Variants in PPP2R5D observed in about 807,000 individuals in gnomAD.
PPP2R5D encodes protein phosphatase 2 regulatory subunit B'delta, also known as serine/threonine-protein phosphatase 2A 56 kDa regulatory subunit delta isoform.
A neutral mutation model predicts 79.1 loss-of-function variants in PPP2R5D; 12 were observed. The observed-to-expected ratio is 0.15, with a 90% CI of 0.10 to 0.25. The LOEUF is 0.25. Among genes scored for constraint, PPP2R5D ranks in the 10% least tolerant of loss-of-function variants. The probability of loss-of-function intolerance (pLI) is 1.00; values close to 1 mark genes in which losing one functional copy is unlikely to be tolerated. For synonymous variants in PPP2R5D, 277 were observed against 286.6 expected, an observed-to-expected ratio of 0.97 and a Z score of 0.34; for missense variants, 419 against 760.2, an observed-to-expected ratio of 0.55 and a Z score of 5.28.
chr6:43,008,591 C>A lies in PPP2R5D; in HGVS notation c.1027-102C>A, dbSNP rs1762207518. 2 of 1,488,682 alleles carry A rather than the reference C, an allele frequency of 1.3e-6. No individual in the cohort carries two copies. The highest frequency in any genetic ancestry group is 1.9e-6 in the Non-Finnish European group (2 of 1,069,594). 92.2% of individuals were successfully genotyped at this position (1,488,682 alleles called of 1,614,324 possible). On this transcript the variant is annotated intron_variant, in intron 9 of 15. Transcript: ENST00000485511. This position sits in a 1 kb window ranked among gnomAD's most constrained non-coding sequence, Gnocchi z 4.2. ...GGGAGCAGGTGGGATAATTCCTTCC[C>A]TCCATCTCCCCTTCCCTTCTGGGAT... is the stretch of plus-strand genomic sequence containing the variant.
chr6:43,000,922 G>T (rs534102150), intron 2 of PPP2R5D, among the ~76,000 whole-genome samples: 5 of 152,288 alleles, frequency 3.3e-5, no homozygotes, highest in African/African-American at 1.2e-4. Flanking sequence ...GTACAAACAG[G>T]GTCCTGGCTT....
intron 2 of PPP2R5D, among the ~76,000 whole-genome samples, chr6:43,001,533 C>G (rs920339444): frequency 6.6e-6 from 1 of 152,032 alleles, no homozygotes; most frequent in African/African-American, 2.4e-5. Context: ...TTCCTAAAAC[C>G]TGGATATGGG....
intron 1 of PPP2R5D, among the ~76,000 whole-genome samples, chr6:42,984,963 A>G (rs577980643): frequency 2.6e-3 from 255 of 99,690 alleles, no homozygotes; most frequent in African/African-American, 9.4e-3. Context: ...CCCCCGGCCC[A>G]GGGTAACCTC....
rs760706379 is a variant in PPP2R5D, at chr6:43,009,144, G to A, written c.1168G>A (p.Val390Ile). The A allele has an allele frequency of 7.4e-6, 12 of 1,614,106 alleles. No homozygotes were observed. Among genetic ancestry groups the A allele is most frequent in the South Asian group, 2.2e-5 (2 of 91,080 alleles). The stretch of plus-strand genomic sequence containing the variant: ...GAATGAGCTGGAGGAGATTCTGGAC[G>A]TCATTGAACCTTCTGAGTTCAGCAA... ...FLNELEEILD[V>I]IEPSEFSKVM... is the part of the protein sequence containing the mutation. The change falls in exon 11 of 16, where the codon GTC becomes ATC. Residue 390 changes from valine to isoleucine, a missense_variant. Physicochemically the swap from Val to Ile is conservative, Grantham distance 29 (BLOSUM62 3). Coordinates refer to ENST00000485511, the MANE Select transcript of PPP2R5D (RefSeq NM_006245.4). This position sits in a 1 kb window ranked among gnomAD's most constrained non-coding sequence, Gnocchi z 5.6.
intron 2 of PPP2R5D, among the ~76,000 whole-genome samples, chr6:42,997,392 A>G (rs1264239193): frequency 3.9e-5 from 6 of 152,082 alleles, no homozygotes; most frequent in Non-Finnish European, 8.8e-5. Flanking sequence ...GGGTTTCTCC[A>G]TGCTGGTCAG....
At chr6:43,002,388 C>T (rs2150271411) in intron 2 of PPP2R5D, among the ~76,000 whole-genome samples, 1 of 152,304 alleles carries the variant, frequency 6.6e-6, no homozygotes, top group East Asian at 1.9e-4. Flanking sequence ...TGCTCTCAAA[C>T]TCCTGACCTC....
chr6:42,999,129 C>A (rs1771997895), intron 2 of PPP2R5D, among the ~76,000 whole-genome samples: 1 of 152,138 alleles, frequency 6.6e-6, no homozygotes, highest in Non-Finnish European at 1.5e-5. Flanking sequence ...GGTCAGTGTC[C>A]ACCCCTGCTT....
At position 43,011,439 on chromosome 6, in the gene PPP2R5D, A is replaced by ATTCTGTGGGTGT; in HGVS notation, c.*153_*154insTTCTGTGGGTGT. 1 of 1,047,400 alleles carries ATTCTGTGGGTGT rather than the reference A, an allele frequency of 9.5e-7. No homozygotes were observed. Among genetic ancestry groups the ATTCTGTGGGTGT allele is most frequent in the Non-Finnish European group, 1.4e-6 (1 of 734,998 alleles). The allele number at this position is 1,047,400 out of a possible 1,614,324, so 64.9% of individuals were successfully genotyped here. On this transcript the variant is annotated 3_prime_UTR_variant, in exon 16 of 16. Transcript: ENST00000485511. ...GGATGTGGGCACTTGAAGCAGGGAC[A>ATTCTGTGGGTGT]CCCACAGAATGGTCCCTCTTCTCCC...
rs573748704 is a variant in PPP2R5D, at chr6:43,002,278, C to A, written c.106-4185C>A. 1.7e-3 allele frequency among the ~76,000 whole-genome samples: 254 copies of A among 152,178 alleles called. 2 individuals are homozygous for A. The highest frequency in any genetic ancestry group is 5.5e-3 in the African/African-American group (229 of 41,508). ...TCCCGAGTTCAAGAGATTCTCCTGC[C>A]CCAGCCTCCCGAGTAGCTGAGATTA... On this transcript the variant is annotated intron_variant, in intron 2 of 15. Coordinates refer to ENST00000485511, the MANE Select transcript of PPP2R5D (RefSeq NM_006245.4).
chr6:42,988,885 T>G (rs1771043377), intron 1 of PPP2R5D, among the ~76,000 whole-genome samples: 1 of 152,196 alleles, frequency 6.6e-6, no homozygotes, highest in Admixed American at 6.5e-5. Context: ...GTGCAGTTGC[T>G]TTTTTTGGCT....
chr6:43,004,482 C>T (rs1761948874), intron 2 of PPP2R5D, among the ~76,000 whole-genome samples: 1 of 151,434 alleles, frequency 6.6e-6, no homozygotes, highest in Non-Finnish European at 1.5e-5. Flanking sequence ...GCTCTTTCCT[C>T]ATTAGATTCC....
chr6:42,988,157 C>G (rs1036406908), intron 1 of PPP2R5D, among the ~76,000 whole-genome samples: 5 of 152,188 alleles, frequency 3.3e-5, no homozygotes, highest in Admixed American at 2.0e-4. Flanking sequence ...ACACAGAGCT[C>G]TCTTCTCCCT....
chr6:43,010,068 TA>T lies in PPP2R5D; in HGVS notation c.1380-390del, dbSNP rs146372245. Reference sequence around the variant, plus strand: ...TGGGCAACAGAGTGAGACTCCGTCTTAAAAAAAAAACTCAGGGTTTTGAAAA... The same window carrying T: ...TGGGCAACAGAGTGAGACTCCGTCTTAAAAAAAAACTCAGGGTTTTGAAAA... On this transcript the variant is annotated intron_variant, in intron 12 of 15. Transcript: ENST00000485511. This position sits in a 1 kb window ranked among gnomAD's most constrained non-coding sequence, Gnocchi z 4.7. 5.5e-5 allele frequency among the ~76,000 whole-genome samples: 8 copies of T among 146,642 alleles called. No individual in the cohort carries two copies. The East Asian group carries it at 7.8e-4, about 14-fold the overall frequency.
At chr6:42,998,044 T>TATACATATATATATATATATAC (rs1771884638) in intron 2 of PPP2R5D, among the ~76,000 whole-genome samples, 1 of 29,262 alleles carries the variant, frequency 3.4e-5, no homozygotes, top group African/African-American at 9.4e-5. Context: ...TATATATATA[T>TATACATATATATATATATATAC]ATATATATAT....
At position 43,007,927 on chromosome 6, in the gene PPP2R5D, AC is replaced by A; in HGVS notation, c.727-3del. On this transcript the variant is annotated splice_polypyrimidine_tract_variant and splice_region_variant and intron_variant, in intron 6 of 15. Transcript: ENST00000485511. This position sits in a 1 kb window ranked among gnomAD's most constrained non-coding sequence, Gnocchi z 4.5. ...TCACTGGCTGCTTTCCCTCCCTTGT[AC>A]CCCCAGCTCCTAGACCTATTTGACA... The A allele has an allele frequency of 6.2e-7, 1 of 1,613,452 alleles. No individual in the cohort carries two copies. The highest frequency in any genetic ancestry group is 8.5e-7 in the Non-Finnish European group (1 of 1,179,700).
chr6:43,004,789 T>C (rs1416825305), intron 2 of PPP2R5D, among the ~76,000 whole-genome samples: 3 of 150,796 alleles, frequency 2.0e-5, no homozygotes, highest in Non-Finnish European at 4.4e-5. Flanking sequence ...AGAGTCTCAC[T>C]CTGTCATCCA....
chr6:43,006,675 G>T lies in PPP2R5D; in HGVS notation c.318G>T (p.Leu106=). The T allele has an allele frequency of 6.2e-7, 1 of 1,613,850 alleles. No homozygotes were observed. Among genetic ancestry groups the T allele is most frequent in the Non-Finnish European group, 8.5e-7 (1 of 1,179,854 alleles). ...KNRELQKLPA[L]KDSPTQEREE... ...GGGAGCTGCAGAAGCTTCCTGCCCT[G>T]AAAGGTACTTGGCAATTGGTCACAG... Residue 106 remains leucine, a synonymous_variant, in exon 3 of 16, where the codon CTG becomes CTT. Transcript: ENST00000485511. This position sits in a 1 kb window ranked among gnomAD's most constrained non-coding sequence, Gnocchi z 4.7.
rs1474342051 is a variant in PPP2R5D at position 43,007,003 on chromosome 6, C to T, written c.415C>T (p.Leu139Phe). Residue 139 changes from leucine (L) to phenylalanine (F), a missense_variant, in exon 4 of 16, where the codon CTC becomes TTC. Transcript: ENST00000485511. This position sits in a 1 kb window ranked among gnomAD's most constrained non-coding sequence, Gnocchi z 4.5. Reference protein sequence around the residue: ...FDFVSDPLSDLKFKEVKRAGL... With the variant: ...FDFVSDPLSDFKFKEVKRAGL... ...CTTCGTGTCAGACCCACTCAGTGAC[C>T]TCAAATTCAAGGAGGTGAAGCGGGC... 7 of 1,614,144 alleles carry T rather than the reference C, an allele frequency of 4.3e-6. No individual in the cohort carries two copies. Among genetic ancestry groups the T allele is most frequent in the Non-Finnish European group, 5.9e-6 (7 of 1,180,024 alleles).
chr6:42,996,086 C>T (rs556690218), intron 2 of PPP2R5D, among the ~76,000 whole-genome samples: 29 of 146,188 alleles, frequency 2.0e-4, no homozygotes, highest in African/African-American at 6.2e-4. Context: ...CCTCGTGATC[C>T]GCCCGCCTCG....
Sources: allele counts gnomAD v4.1 joint callset (sites outside exome capture counted in the v4.1 genomes callset), GRCh38; gene constraint gnomAD v4.1.1; non-coding constraint Gnocchi (gnomAD v3.1); transcripts MANE v1.5; gene names NCBI Gene and HGNC (gene_info 2026-07-23, HGNC 2026-07-21).